PMEL: variants seen among roughly 807,000 people sequenced by gnomAD.
PMEL encodes the protein melanocyte protein PMEL.
A neutral mutation model predicts 64.9 loss-of-function variants in PMEL; 53 were observed. The observed-to-expected ratio is 0.82, with a 90% CI of 0.66 to 1.03. The LOEUF is 1.03. PMEL is among the 50% of genes least tolerant of loss of function. The pLI, the probability that PMEL is intolerant of heterozygous loss-of-function variation, is 0.00. For synonymous variants in PMEL, 299 were observed against 316.2 expected (o/e 0.95, Z 0.58); for missense variants, 716 against 814.9 (o/e 0.88, Z 1.48).
intron 1 of PMEL, among the ~76,000 whole-genome samples, chr12:55,964,365 G>C (rs933159855): frequency 6.6e-6 from 1 of 151,828 alleles, no homozygotes; most frequent in Admixed American, 6.6e-5. Flanking sequence ...TCTCTATGTT[G>C]GTCAGGCTGG....
At chr12:55,964,486 C>T (rs1166743156) in intron 1 of PMEL, among the ~76,000 whole-genome samples, 1 of 151,698 alleles carries the variant, frequency 6.6e-6, no homozygotes. Context: ...TTTTACGTTT[C>T]GTAGAGACAA....
intron 1 of PMEL, among the ~76,000 whole-genome samples, chr12:55,962,302 G>A (rs1353275505): frequency 1.3e-5 from 2 of 150,820 alleles, no homozygotes; most frequent in African/African-American, 4.9e-5. Context: ...AATTAGCCGG[G>A]CATGGTGGTG....
At chr12:55,963,803 AATGTATGT>A (rs1889188672) in intron 1 of PMEL, among the ~76,000 whole-genome samples, 3 of 152,190 alleles carry the variant, frequency 2.0e-5, no homozygotes, top group Admixed American at 2.0e-4. Flanking sequence ...GCTGGGATAT[AATGTATGT>A]ATTTCAGCAC....
rs558675677 is a variant in PMEL, at chr12:55,965,008, A to G, written c.76+928T>C. Among the ~76,000 whole-genome samples the G allele has an allele frequency of 2.0e-5, 3 of 149,018 alleles. No individual in the cohort carries two copies. In the East Asian group the frequency reaches 5.9e-4, roughly 29 times the overall value. ...ATTGGTGTGATCTTGGCTCACTGCA[A>G]CCTCTGCCTTCTGGGTTCAAGTGAT... On this transcript the variant is annotated intron_variant, in intron 1 of 10. Transcript: ENST00000548747.
intron 3 of PMEL, among the ~76,000 whole-genome samples, chr12:55,959,203 G>A (rs1156848830): frequency 6.6e-6 from 1 of 151,072 alleles, no homozygotes; most frequent in African/African-American, 2.4e-5. Context: ...AACATAGCAA[G>A]ACCCTGTCTC....
upstream of PMEL, chr12:55,966,621 G>A (rs765268362): frequency 1.5e-5 from 15 of 1,018,154 alleles, no homozygotes; most frequent in Non-Finnish European, 1.8e-5. Context: ...CTTGGGAAGA[G>A]TGTTCAGCCG....
rs1358444116 is a variant in PMEL at position 55,958,177 on chromosome 12, T to C, written c.470-93A>G. Reference sequence around the variant, plus strand: ...TCGAAACGGCACTGGAGATGGGAGGTCAGGAAGTATGATTACTTCTGAGGG... The same window carrying C: ...TCGAAACGGCACTGGAGATGGGAGGCCAGGAAGTATGATTACTTCTGAGGG... On this transcript the variant is annotated intron_variant, in intron 4 of 10. Coordinates refer to ENST00000548747, the MANE Select transcript of PMEL (RefSeq NM_001384361.1). The C allele has an allele frequency of 5.0e-5, 65 of 1,306,160 alleles. No individual in the cohort carries two copies. In the Admixed American group the frequency reaches 1.3e-3, roughly 26 times the overall value. The allele number at this position is 1,306,160 out of a possible 1,614,324, so 80.9% of individuals were successfully genotyped here.
intron 3 of PMEL, 151 bp from the exon 4 acceptor site, chr12:55,958,758 GT>G: frequency 1.3e-6 from 1 of 763,824 alleles, no homozygotes. Context: ...ATTTGGGGTG[GT>G]AGTTGGGGGT....
intron 4 of PMEL, 54 bp downstream of exon 4, chr12:55,958,419 G>T: frequency 6.4e-7 from 1 of 1,565,212 alleles, no homozygotes; most frequent in African/African-American, 1.4e-5. Flanking sequence ...AGGTGATCAG[G>T]TAGAAAGAAG....
At chr12:55,956,408 C>A in intron 6 of PMEL, 189 bp from the exon 7 acceptor site, 2 of 552,146 alleles carry the variant, frequency 3.6e-6, no homozygotes, top group Non-Finnish European at 6.5e-6. Context: ...AAGAAAATGA[C>A]TCCTCCAGAG....
At chr12:55,961,905 C>T (rs952079250) in intron 1 of PMEL, among the ~76,000 whole-genome samples, 173 bp from the exon 2 acceptor site, 7 of 148,138 alleles carry the variant, frequency 4.7e-5, no homozygotes, top group Non-Finnish European at 1.0e-4. Flanking sequence ...GGCATGATCT[C>T]GGCTCATTGC....
At chr12:55,965,352 T>TCCAA (rs1889255290) in intron 1 of PMEL, among the ~76,000 whole-genome samples, 2 of 151,976 alleles carry the variant, frequency 1.3e-5, no homozygotes, top group African/African-American at 4.8e-5. Context: ...TTTCTCCACT[T>TCCAA]CCAACTCTCC....
In PMEL at chr12:55,955,486, G is replaced by T; in HGVS notation, c.1740C>A (p.Val580=). The T allele has an allele frequency of 1.2e-6, 2 of 1,614,086 alleles. No homozygotes were observed. Among genetic ancestry groups the T allele is most frequent in the South Asian group, 2.2e-5 (2 of 91,074 alleles). The change falls in exon 9 of 11, where the codon GTC becomes GTA. Residue 580 remains valine (V), a synonymous_variant. Transcript: ENST00000548747. ...TACCAGGCATGATAAGCTGGGTGCT[G>T]ACCACTGCCAGGCTGTTGGTATCAG... The part of the protein sequence containing the change: ...SLADTNSLAV[V]STQLIMPGQE...
intron 3 of PMEL, among the ~76,000 whole-genome samples, chr12:55,960,537 GTTTTTTTTT>G (rs760692409): frequency 1.0e-4 from 10 of 97,296 alleles, no homozygotes; most frequent in Middle Eastern, 5.9e-3. Flanking sequence ...TTTGCTTTCT[GTTTTTTTTT>G]TTTTTTTTTT....
At chr12:55,958,969 A>G (rs766083118) in intron 3 of PMEL, among the ~76,000 whole-genome samples, 2 of 151,544 alleles carry the variant, frequency 1.3e-5, no homozygotes, top group Non-Finnish European at 2.9e-5. Context: ...TTGTAGAGAC[A>G]GGGTCTTGCT....
At position 55,955,617 on chromosome 12, in the gene PMEL, C is replaced by G. The variant is rs374422378; in HGVS notation, c.1609G>C (p.Ala537Pro). Residue 537 changes from alanine to proline, a missense_variant, in exon 9 of 11, where the codon GCC becomes CCC. Transcript: ENST00000548747. The part of the protein sequence containing the change: ...EISSPGCQPP[A>P]QRLCQPVLPS... ...AGCACAGGCTGGCACAGCCGCTGGGCAGGGGGCTGGCACCCTGGCGATGAG... is the reference window on the plus strand; with the variant it reads ...AGCACAGGCTGGCACAGCCGCTGGGGAGGGGGCTGGCACCCTGGCGATGAG... 13 of 1,613,736 alleles carry G rather than the reference C, an allele frequency of 8.1e-6. No homozygotes were observed. The African/African-American group carries it at 1.6e-4, about 20-fold the overall frequency.
chr12:55,957,722 C>T lies in PMEL; in HGVS notation c.632-51G>A, dbSNP rs367945202. The T allele has an allele frequency of 2.6e-5, 40 of 1,560,084 alleles. No individual in the cohort carries two copies. In the Middle Eastern group the frequency reaches 5.9e-4, roughly 23 times the overall value. On this transcript the variant is annotated intron_variant, in intron 5 of 10. Transcript: ENST00000548747. ...GAACCAGGCCTGAGCCACAGCTTCTCCTTTCACAGCCACACCCTCCAACTC... is the reference window on the plus strand; with the variant it reads ...GAACCAGGCCTGAGCCACAGCTTCTTCTTTCACAGCCACACCCTCCAACTC...
At chr12:55,962,883 C>T (rs1325016357) in intron 1 of PMEL, among the ~76,000 whole-genome samples, 1 of 151,860 alleles carries the variant, frequency 6.6e-6, no homozygotes, top group Non-Finnish European at 1.5e-5. Flanking sequence ...TTACTTTTAG[C>T]CAGGCATGGT....
chr12:55,957,401 C>T lies in PMEL; in HGVS notation c.902G>A (p.Cys301Tyr), dbSNP rs1180039957. ...VLQAAIPLTS[C>Y]GSSPVPGTTD... Reference sequence around the variant, plus strand: ...GGTGCCTGGAACTGGGGAGGAGCCACAGGAGGTGAGAGGAATGGCAGCCTG... The same window carrying T: ...GGTGCCTGGAACTGGGGAGGAGCCATAGGAGGTGAGAGGAATGGCAGCCTG... The change falls in exon 6 of 11, where the codon TGT becomes TAT. Residue 301 changes from cysteine (C) to tyrosine (Y), a missense_variant. Cys to Tyr is a radical substitution (Grantham distance 194). Coordinates refer to ENST00000548747, the MANE Select transcript of PMEL (RefSeq NM_001384361.1). The T allele has an allele frequency of 1.2e-6, 2 of 1,603,222 alleles. No individual in the cohort carries two copies.
Sources: allele counts gnomAD v4.1 joint callset (sites outside exome capture counted in the v4.1 genomes callset), GRCh38; gene constraint gnomAD v4.1.1; transcripts MANE v1.5; gene names NCBI Gene and HGNC (gene_info 2026-07-23, HGNC 2026-07-21).